TTC39B: variants seen among roughly 807,000 people sequenced by gnomAD.
TTC39B encodes tetratricopeptide repeat domain 39B, also known as tetratricopeptide repeat protein 39B.
A neutral mutation model predicts 96.6 loss-of-function variants in TTC39B; 92 were observed. The observed-to-expected ratio is 0.95, with a 90% CI of 0.80 to 1.13. The LOEUF (loss-of-function observed/expected upper bound fraction) is 1.13. TTC39B is among the 50% of genes most tolerant of loss of function. TTC39B has a pLI of 0.00. For missense variants in TTC39B, 955 were observed against 809.3 expected, an observed-to-expected ratio of 1.18 and a Z score of -2.18; for synonymous variants, 367 against 299.4, an observed-to-expected ratio of 1.23 and a Z score of -2.33.
chr9:15,306,350 TGAA>T lies in TTC39B; in HGVS notation c.240+731_240+733del, dbSNP rs1439779054. On this transcript the variant is annotated intron_variant, in intron 1 of 19. Coordinates refer to ENST00000512701, the Ensembl canonical transcript of TTC39B. This position sits in a 1 kb window ranked among gnomAD's most constrained non-coding sequence, Gnocchi z 5.1. ...TGCTCAGGCCCGGGCGCGCCACGAC[TGAA>T]GGAGTGGCTAATTACTCAAACACAG... Among the ~76,000 whole-genome samples, 3 of 152,300 alleles carry T rather than the reference TGAA, an allele frequency of 2.0e-5. No homozygotes were observed. The highest frequency in any genetic ancestry group is 4.4e-5 in the Non-Finnish European group (3 of 68,026).
intron 1 of TTC39B, among the ~76,000 whole-genome samples, chr9:15,293,733 T>C (rs1824273167): frequency 6.6e-6 from 1 of 152,236 alleles, no homozygotes; most frequent in Admixed American, 6.5e-5. Context: ...CCTCCTTACA[T>C]ATTTTAAGTT....
intron 4 of TTC39B, 118 bp from the exon 5 acceptor site, chr9:15,211,515 C>CTGAAATTATATGGGTGGTGAAA: frequency 1.1e-6 from 1 of 946,228 alleles, no homozygotes. Context: ...ACCATAATCA[C>CTGAAATTATATGGGTGGTGAAA]TGAAATTATA....
chr9:15,222,760 T>C (rs1820917143), intron 3 of TTC39B, among the ~76,000 whole-genome samples: 1 of 152,224 alleles, frequency 6.6e-6, no homozygotes, highest in African/African-American at 2.4e-5. Context: ...TCCGTTCCTT[T>C]AATTCTAAGG....
chr9:15,190,734 T>G (rs1586835512), intron 10 of TTC39B, 72 bp from the exon 11 acceptor site: 1 of 1,230,798 alleles, frequency 8.1e-7, no homozygotes, highest in East Asian at 2.5e-5. Context: ...TTTTAAACAT[T>G]TTTATATATT....
rs1485579068 is a variant in TTC39B, at chr9:15,183,983, CCT to C, written c.1614+1295_1614+1296del. Among the ~76,000 whole-genome samples the C allele has an allele frequency of 5.3e-5, 8 of 152,208 alleles. No individual in the cohort carries two copies. The East Asian group carries it at 1.5e-3, about 29-fold the overall frequency. On this transcript the variant is annotated intron_variant, in intron 16 of 19. Transcript: ENST00000512701. ...GGCGCAGGCTAACTCCTGTCTGACC[CCT>C]GTCAGGGAGGGGCTGCATTGTTCTT...
chr9:15,233,220 C>T (rs1210365919), intron 2 of TTC39B, among the ~76,000 whole-genome samples: 5 of 152,110 alleles, frequency 3.3e-5, no homozygotes, highest in East Asian at 3.9e-4. Flanking sequence ...AAAACTGGTT[C>T]GAGAAGCATG....
chr9:15,263,581 C>A (rs1823018805), intron 2 of TTC39B, among the ~76,000 whole-genome samples: 2 of 152,212 alleles, frequency 1.3e-5, no homozygotes, highest in African/African-American at 2.4e-5. Context: ...TCATCACCAA[C>A]AAGCTCTGCT....
chr9:15,208,212 A>G (rs1819987914), intron 6 of TTC39B, among the ~76,000 whole-genome samples: 1 of 151,494 alleles, frequency 6.6e-6, no homozygotes, highest in South Asian at 2.1e-4. Context: ...TTTAGTAGAG[A>G]CGGGGTTTCA....
intron 1 of TTC39B, among the ~76,000 whole-genome samples, chr9:15,279,321 G>C (rs527271729): frequency 6.6e-6 from 1 of 152,278 alleles, no homozygotes; most frequent in East Asian, 1.9e-4. Flanking sequence ...GTCTCAAAAA[G>C]AGAACACAGA....
intron 8 of TTC39B, among the ~76,000 whole-genome samples, chr9:15,195,013 TTAAGCG>T (rs1228231508): frequency 1.3e-5 from 2 of 152,150 alleles, no homozygotes; most frequent in East Asian, 3.8e-4. Context: ...CTAGAAATAA[TTAAGCG>T]TAGTGAGGAA....
chr9:15,262,878 T>A lies in TTC39B; in HGVS notation c.275+5036A>T, dbSNP rs1467152579. 5.3e-5 allele frequency among the ~76,000 whole-genome samples: 8 copies of A among 152,300 alleles called. No individual in the cohort carries two copies. The East Asian group carries it at 1.5e-3, about 29-fold the overall frequency. On this transcript the variant is annotated intron_variant, in intron 2 of 19. Transcript: ENST00000512701. ...GAAACATAAGATCAAAATATATGGT[T>A]CAGTAAGTGTAAGGAAAAAGAACTC...
chr9:15,303,802 T>G (rs373236063), intron 1 of TTC39B, among the ~76,000 whole-genome samples: 1 of 151,974 alleles, frequency 6.6e-6, no homozygotes, highest in East Asian at 1.9e-4. Context: ...CAGCTAATTT[T>G]TTTGTTATTT....
intron 17 of TTC39B, among the ~76,000 whole-genome samples, chr9:15,178,345 G>C (rs1818070082): frequency 6.6e-6 from 1 of 152,118 alleles, no homozygotes; most frequent in Non-Finnish European, 1.5e-5. Context: ...GGCCAAGGTG[G>C]GAAGCTCACT....
At chr9:15,275,152 C>T (rs753825177) in intron 1 of TTC39B, among the ~76,000 whole-genome samples, 2 of 152,112 alleles carry the variant, frequency 1.3e-5, no homozygotes, top group Non-Finnish European at 2.9e-5. Context: ...AGCGATTCTC[C>T]TGCCTCAGCC....
chr9:15,179,358 T>C (rs1181603266), intron 17 of TTC39B, among the ~76,000 whole-genome samples: 4 of 152,162 alleles, frequency 2.6e-5, no homozygotes, highest in Non-Finnish European at 1.5e-5. Context: ...GAAATCATCA[T>C]TAACACATGC....
At chr9:15,254,435 A>G (rs1822673451) in intron 2 of TTC39B, among the ~76,000 whole-genome samples, 1 of 152,218 alleles carries the variant, frequency 6.6e-6, no homozygotes, top group Admixed American at 6.5e-5. Context: ...GCTCTTCAAT[A>G]TATTATATGT....
At chr9:15,284,847 C>T (rs1405680945) in intron 1 of TTC39B, among the ~76,000 whole-genome samples, 1 of 152,052 alleles carries the variant, frequency 6.6e-6, no homozygotes, top group African/African-American at 2.4e-5. Flanking sequence ...AAATAATGAA[C>T]AATTTAAATA....
chr9:15,294,481 G>A (rs896446816), intron 1 of TTC39B, among the ~76,000 whole-genome samples: 40 of 152,166 alleles, frequency 2.6e-4, no homozygotes, highest in African/African-American at 9.4e-4. Flanking sequence ...ATGTGTCAGC[G>A]ACCAAATGCT....
chr9:15,214,309 G>A lies in TTC39B; in HGVS notation c.372-60C>T, dbSNP rs1194793264. 3.7e-5 allele frequency: 45 copies of A among 1,231,416 alleles called. 1 individual carries two copies. The highest frequency in any genetic ancestry group is 1.6e-4 in the African/African-American group (10 of 62,256). 76.3% of individuals were successfully genotyped at this position (1,231,416 alleles called of 1,614,324 possible). A position where few individuals can be genotyped will look rare whatever the true frequency, so the allele number is the denominator to read the frequency against. On this transcript the variant is annotated intron_variant, in intron 3 of 19. Transcript: ENST00000512701. ...TAGCTTTACGATCAGCAAGTTGTCC[G>A]AAGGGAGTGTGTGTGTGTGTGTGTG...
Sources: allele counts gnomAD v4.1 joint callset (sites outside exome capture counted in the v4.1 genomes callset), GRCh38; gene constraint gnomAD v4.1.1; non-coding constraint Gnocchi (gnomAD v3.1); transcripts MANE v1.5; gene names NCBI Gene and HGNC (gene_info 2026-07-23, HGNC 2026-07-21).